The following FAM83H variants were observed in gnomAD, a reference collection of about 807,000 sequenced individuals.
The protein encoded by FAM83H is scaffolding CK1 anchoring protein H.
In FAM83H, 24 loss-of-function variants were observed where a neutral mutation model predicts 30.2. The observed-to-expected ratio is 0.79, with a 90% CI of 0.57 to 1.12. The LOEUF (loss-of-function observed/expected upper bound fraction) is 1.12. Among genes scored for constraint, FAM83H ranks in the 50% most tolerant of loss-of-function variants. FAM83H has a pLI of 0.00. For synonymous variants in FAM83H, 1,013 were observed against 821.7 expected (o/e 1.23, Z -3.98); for missense variants, 2,038 against 1,773.9 (o/e 1.15, Z -2.67).
Position 143,727,980 on chromosome 8 carries a change from C to A in FAM83H, c.1481G>T (p.Gly494Val). 1 of 1,577,984 alleles carries A rather than the reference C, an allele frequency of 6.3e-7. No homozygotes were observed. Among genetic ancestry groups the A allele is most frequent in the African/African-American group, 1.3e-5 (1 of 74,646 alleles). The change falls in exon 5 of 5, where the codon GGG (glycine) becomes GTG (valine). Residue 494 changes from glycine (G) to valine (V), a missense_variant. By Grantham distance (109) the Gly-to-Val change is moderately radical. Coordinates refer to ENST00000388913, the MANE Select transcript of FAM83H (RefSeq NM_198488.5). Reference sequence around the variant, plus strand: ...GGGTCCGAGCTCCGGGAAGCGGGGCCCGGCGCCCAGGGTGAAGTCATCCGG... The same window carrying A: ...GGGTCCGAGCTCCGGGAAGCGGGGCACGGCGCCCAGGGTGAAGTCATCCGG... ...ADPDDFTLGA[G>V]PRFPELGPDG...
In FAM83H at chr8:143,727,438, G is replaced by A. The variant is rs782212333; in HGVS notation, c.2023C>T (p.Leu675=). 1.7e-5 allele frequency: 27 copies of A among 1,572,058 alleles called. No individual in the cohort carries two copies. Among genetic ancestry groups the A allele is most frequent in the Admixed American group, 5.4e-5 (3 of 55,436 alleles). The change falls in exon 5 of 5, where the codon CTG becomes TTG. Residue 675 remains leucine, a synonymous_variant. Coordinates refer to ENST00000388913, the MANE Select transcript of FAM83H (RefSeq NM_198488.5). Reference sequence around the variant, plus strand: ...CGCAGCCTGGAGCTGCGCTGGACCAGGGGGTTCAGGCGCGAGCGGAATGAG... The same window carrying A: ...CGCAGCCTGGAGCTGCGCTGGACCAAGGGGTTCAGGCGCGAGCGGAATGAG... ...QDSFRSRLNP[L]VQRSSRLRSS... is the part of the protein sequence containing the mutation.
chr8:143,730,637 C>G, intron 1 of FAM83H, 40 bp from the exon 2 acceptor site: 1 of 1,344,148 alleles, frequency 7.4e-7, no homozygotes, highest in Non-Finnish European at 1.0e-6. Context: ...GGTGGGGGCA[C>G]TGGGACCACT....
At chr8:143,729,818 C>T (rs1425439322) in intron 2 of FAM83H, among the ~76,000 whole-genome samples, 1 of 152,218 alleles carries the variant, frequency 6.6e-6, no homozygotes, top group Non-Finnish European at 1.5e-5. Flanking sequence ...GGTTAGAAGC[C>T]CTCAGCTGGC....
Position 143,730,482 on chromosome 8 carries a change from G to T in FAM83H, c.101C>A (p.Ala34Glu). 6.2e-7 allele frequency: 1 copy of T among 1,608,462 alleles called. No homozygotes were observed. Reference sequence around the variant, plus strand: ...GGCCTCCGAGCCACCCTCGGCCAGTGCATCCACCGCCAGGCGGTAGTACTC... The same window carrying T: ...GGCCTCCGAGCCACCCTCGGCCAGTTCATCCACCGCCAGGCGGTAGTACTC... ...YKEYYRLAVD[A>E]LAEGGSEAYS... Residue 34 changes from alanine to glutamate, a missense_variant, in exon 2 of 5, where the codon GCA becomes GAA. Physicochemically the swap from Ala to Glu is moderately radical, Grantham distance 107. Transcript: ENST00000388913.
chr8:143,727,591 C>T lies in FAM83H; in HGVS notation c.1870G>A (p.Asp624Asn), dbSNP rs782368215. 6 of 1,583,996 alleles carry T rather than the reference C, an allele frequency of 3.8e-6. No homozygotes were observed. The highest frequency in any genetic ancestry group is 1.7e-5 in the Admixed American group (1 of 58,500). The change falls in exon 5 of 5, where the codon GAC (aspartate) becomes AAC (asparagine). Residue 624 changes from aspartate to asparagine, a missense_variant. Asp to Asn is a conservative substitution (Grantham distance 23). Transcript: ENST00000388913. ...LAPGGRAPAG[D>N]LLPSAFRVPA... ...ACGCGGAAGGCCGAGGGGAGCAGGTCGCCGGCAGGTGCCCGGCCCCCGGGA... is the reference window on the plus strand; with the variant it reads ...ACGCGGAAGGCCGAGGGGAGCAGGTTGCCGGCAGGTGCCCGGCCCCCGGGA...
rs782722637 is a variant in FAM83H at position 143,730,195 on chromosome 8, G to T, written c.388C>A (p.Pro130Thr). 4 of 1,610,118 alleles carry T rather than the reference G, an allele frequency of 2.5e-6. No individual in the cohort carries two copies. In the Admixed American group the frequency reaches 6.7e-5, roughly 27 times the overall value. Residue 130 changes from proline (P) to threonine (T), a missense_variant, in exon 2 of 5, where the codon CCC becomes ACC. Physicochemically the swap from Pro to Thr is conservative, Grantham distance 38. Transcript: ENST00000388913. ...TEVTTLVQPP[P>T]PDSPSIKDEA... is the part of the protein sequence containing the mutation. ...TCCTTGATACTGGGGCTGTCGGGGG[G>T]CGGTGGCTGCACCAAGGTGGTCACC...
rs1456315697 is a variant in FAM83H, at chr8:143,733,500, G to A, written c.-16+191C>T. Among the ~76,000 whole-genome samples the A allele has an allele frequency of 1.8e-4, 27 of 151,898 alleles. No individual in the cohort carries two copies. The highest frequency in any genetic ancestry group is 1.1e-3 in the Admixed American group (17 of 15,256). On this transcript the variant is annotated intron_variant, in intron 1 of 4. Coordinates refer to ENST00000388913, the MANE Select transcript of FAM83H (RefSeq NM_198488.5). This position sits in a 1 kb window ranked among gnomAD's most constrained non-coding sequence, Gnocchi z 5.6. ...CTCGCGTCCATATCCGCACAGCGGC[G>A]CCCCCTGTCCGAGCAGCCCCGCCAC...
Position 143,726,619 on chromosome 8 carries a change from C to T in FAM83H, c.2842G>A (p.Ala948Thr), listed in dbSNP as rs782190205. The T allele has an allele frequency of 3.3e-5, 52 of 1,599,280 alleles. No homozygotes were observed. The highest frequency in any genetic ancestry group is 2.5e-4 in the East Asian group (11 of 44,770). The change falls in exon 5 of 5, where the codon GCC becomes ACC. Residue 948 changes from alanine (A) to threonine (T), a missense_variant. Transcript: ENST00000388913. Reference protein sequence around the residue: ...TLTISGESPKAGPAEEGPSGP... With the variant: ...TLTISGESPKTGPAEEGPSGP... ...CTCGGCCCCTCCTCCGCGGGCCCGG[C>T]CTTCGGGGACTCCCCGGAGATGGTA...
rs1370477113 is a variant in FAM83H, at chr8:143,728,371, C to T, written c.1090G>A (p.Gly364Arg). 9 of 1,544,266 alleles carry T rather than the reference C, an allele frequency of 5.8e-6. No homozygotes were observed. The Admixed American group carries it at 7.9e-5, about 14-fold the overall frequency. ...CCCGCGTGCGGTTCCAGCGCGCCCC[C>T]CGGCATCCGCGGCGGCTCCTCCCGG... ...FRREEPPRMP[G>R]GALEPHAGLR... The change falls in exon 5 of 5, where the codon GGG becomes AGG. Residue 364 changes from glycine to arginine, a missense_variant. Transcript: ENST00000388913.
chr8:143,729,738 C>T (rs1818444874), intron 2 of FAM83H, among the ~76,000 whole-genome samples: 3 of 152,226 alleles, frequency 2.0e-5, no homozygotes, highest in Admixed American at 1.3e-4. Context: ...AAGCCTTTAG[C>T]GTCTGGACCT....
In FAM83H at chr8:143,728,364, G is replaced by A. The variant is rs782079371; in HGVS notation, c.1097C>T (p.Ala366Val). 2.6e-6 allele frequency: 4 copies of A among 1,543,096 alleles called. No individual in the cohort carries two copies. The Admixed American group carries it at 5.9e-5, about 23-fold the overall frequency. The change falls in exon 5 of 5, where the codon GCG becomes GTG. Residue 366 changes from alanine (A) to valine (V), a missense_variant. Physicochemically the swap from Ala to Val is moderately conservative, Grantham distance 64. Coordinates refer to ENST00000388913, the MANE Select transcript of FAM83H (RefSeq NM_198488.5). ...REEPPRMPGG[A>V]LEPHAGLRPL... ...CCGCAGCCCCGCGTGCGGTTCCAGC[G>A]CGCCCCCCGGCATCCGCGGCGGCTC... is the stretch of plus-strand genomic sequence containing the variant.
chr8:143,727,318 C>T lies in FAM83H; in HGVS notation c.2143G>A (p.Val715Ile), dbSNP rs1427828437. 2 of 1,551,236 alleles carry T rather than the reference C, an allele frequency of 1.3e-6. No homozygotes were observed. The highest frequency in any genetic ancestry group is 2.4e-5 in the East Asian group (1 of 42,238). Reference protein sequence around the residue: ...KVQLLHKEQTVSETLGPGGEA... With the variant: ...KVQLLHKEQTISETLGPGGEA... ...CCGCCGGGCCCCAGCGTCTCGCTGA[C>T]CGTCTGCTCCTTGTGCAGCAGCTGC... The change falls in exon 5 of 5, where the codon GTC becomes ATC. Residue 715 changes from valine (V) to isoleucine (I), a missense_variant. Val to Ile is a conservative substitution (Grantham distance 29, BLOSUM62 3). Transcript: ENST00000388913.
At chr8:143,731,701 G>GT in intron 1 of FAM83H, 1 of 985,458 alleles carries the variant, frequency 1.0e-6, no homozygotes, top group Non-Finnish European at 1.2e-6. Flanking sequence ...CCCAAATCTG[G>GT]CTCTCCACTT....
Position 143,729,069 on chromosome 8 carries a change from GC to G in FAM83H, c.634del (p.Ala212ArgfsTer29). On this transcript the variant is annotated frameshift_variant, in exon 4 of 5. Coordinates refer to ENST00000388913, the MANE Select transcript of FAM83H (RefSeq NM_198488.5). LOFTEE classifies it high-confidence loss of function. ...AGTGCGGCAGTAGTAGGTGGGGCCC[GC>G]CACAGTCCGTACGCGCAGGAACTGG... ...HVDFLRVRTVAGPTYYCRTGK... is the reference protein window; with the variant it reads ...HVDFLRVRTVXGPTYYCRTGK... 6.2e-7 allele frequency: 1 copy of G among 1,613,690 alleles called. No individual in the cohort carries two copies. The highest frequency in any genetic ancestry group is 8.5e-7 in the Non-Finnish European group (1 of 1,180,002).
At position 143,725,603 on chromosome 8, in the gene FAM83H, A is replaced by C; in HGVS notation, c.*318T>G. ...CAAAAAAATAAAGGGGGCGGGGGGG[A>C]CTGAGGCACAAAGAGATGGCGGAGC... On this transcript the variant is annotated 3_prime_UTR_variant, in exon 5 of 5. Coordinates refer to ENST00000388913, the MANE Select transcript of FAM83H (RefSeq NM_198488.5). The C allele has an allele frequency of 1.2e-5, 6 of 494,504 alleles. No homozygotes were observed. The highest frequency in any genetic ancestry group is 2.4e-5 in the South Asian group (1 of 41,162). 30.6% of individuals were successfully genotyped at this position (494,504 alleles called of 1,614,324 possible). A position where few individuals can be genotyped will look rare whatever the true frequency, so the allele number is the denominator to read the frequency against.
In FAM83H at chr8:143,728,345, C is replaced by A; in HGVS notation, c.1116G>T (p.Gly372=). 6.6e-7 allele frequency: 1 copy of A among 1,510,564 alleles called. No homozygotes were observed. Among genetic ancestry groups the A allele is most frequent in the Non-Finnish European group, 8.8e-7 (1 of 1,130,098 alleles). The allele number at this position is 1,510,564 out of a possible 1,614,324, so 93.6% of individuals were successfully genotyped here. The change falls in exon 5 of 5, where the codon GGG becomes GGT. Residue 372 remains glycine (G), a synonymous_variant. Coordinates refer to ENST00000388913, the MANE Select transcript of FAM83H (RefSeq NM_198488.5). ...CCAGGCGCCGCGAGAGCGGCCGCAGCCCCGCGTGCGGTTCCAGCGCGCCCC... is the reference window on the plus strand; with the variant it reads ...CCAGGCGCCGCGAGAGCGGCCGCAGACCCGCGTGCGGTTCCAGCGCGCCCC... The part of the protein sequence containing the change: ...MPGGALEPHA[G]LRPLSRRLEA...
At position 143,728,270 on chromosome 8, in the gene FAM83H, G is replaced by C; in HGVS notation, c.1191C>G (p.Phe397Leu). The change falls in exon 5 of 5, where the codon TTC (phenylalanine) becomes TTG (leucine). Residue 397 changes from phenylalanine to leucine, a missense_variant. Physicochemically the swap from Phe to Leu is conservative, Grantham distance 22. Coordinates refer to ENST00000388913, the MANE Select transcript of FAM83H (RefSeq NM_198488.5). ...AGELAGARGF[F>L]QARHLEMDAF... is the part of the protein sequence containing the mutation. ...CGTCCATCTCCAGGTGCCGCGCCTG[G>C]AAGAAGCCCCGCGCGCCCGCGAGCT... The C allele has an allele frequency of 2.6e-6, 4 of 1,536,214 alleles. No homozygotes were observed. The highest frequency in any genetic ancestry group is 3.5e-6 in the Non-Finnish European group (4 of 1,146,184).
rs1818245080 is a variant in FAM83H, at chr8:143,725,229, A to G, written c.*692T>C. ...GAGCGGGGAGGGGGGAGGCCCTGAG[A>G]ACAGGAGGCCCTGAGGAGGAGAAGG... On this transcript the variant is annotated 3_prime_UTR_variant, in exon 5 of 5. Coordinates refer to ENST00000388913, the MANE Select transcript of FAM83H (RefSeq NM_198488.5). 1 of 146,248 alleles carries G rather than the reference A, an allele frequency of 6.8e-6. No individual in the cohort carries two copies. Among genetic ancestry groups the G allele is most frequent in the African/African-American group, 2.6e-5 (1 of 39,082 alleles). 9.1% of individuals were successfully genotyped at this position (146,248 alleles called of 1,614,324 possible).
Position 143,730,158 on chromosome 8 carries a change from C to G in FAM83H, c.425G>C (p.Arg142Thr), listed in dbSNP as rs782575128. The change falls in exon 2 of 5, where the codon AGG becomes ACG. Residue 142 changes from arginine (R) to threonine (T), a missense_variant. Coordinates refer to ENST00000388913, the MANE Select transcript of FAM83H (RefSeq NM_198488.5). Reference sequence around the variant, plus strand: ...CACCTGCTGGGCGGAACGGATCATCCTGCGGGCCTCATCCTTGATACTGGG... The same window carrying G: ...CACCTGCTGGGCGGAACGGATCATCGTGCGGGCCTCATCCTTGATACTGGG... ...DSPSIKDEAR[R>T]MIRSAQQVVA... 1 of 1,593,070 alleles carries G rather than the reference C, an allele frequency of 6.3e-7. No homozygotes were observed. The highest frequency in any genetic ancestry group is 8.6e-7 in the Non-Finnish European group (1 of 1,167,194).
Sources: allele counts gnomAD v4.1 joint callset (sites outside exome capture counted in the v4.1 genomes callset), GRCh38; gene constraint gnomAD v4.1.1; non-coding constraint Gnocchi (gnomAD v3.1); transcripts MANE v1.5; gene names NCBI Gene and HGNC (gene_info 2026-07-23, HGNC 2026-07-21).